The following SGMS1 variants were observed in gnomAD, a reference collection of about 807,000 sequenced individuals.
The protein encoded by SGMS1 is sphingomyelin synthase 1.
Under a neutral mutation model 46.2 loss-of-function variants are expected in SGMS1, and 13 were observed. That is an observed-to-expected ratio of 0.28 (90% CI 0.18 to 0.45). SGMS1 has a LOEUF of 0.45. Among genes scored for constraint, SGMS1 ranks in the 20% least tolerant of loss-of-function variants. The probability of loss-of-function intolerance (pLI) is 1.00; values close to 1 mark genes in which losing one functional copy is unlikely to be tolerated. For synonymous variants in SGMS1, 203 were observed against 187.8 expected, an observed-to-expected ratio of 1.08 and a Z score of -0.66; for missense variants, 324 against 519.9, an observed-to-expected ratio of 0.62 and a Z score of 3.66.
chr10:50,323,149 A>G lies in SGMS1; in HGVS notation c.741+4056T>C, dbSNP rs535682348. The stretch of plus-strand genomic sequence containing the variant: ...CATAGGATTATTATTTCTCTGAGCG[A>G]TTATATTTTGTGAAGAGTATACTGC... On this transcript the variant is annotated intron_variant, in intron 8 of 10. Coordinates refer to ENST00000361781, the MANE Select transcript of SGMS1 (RefSeq NM_147156.4). 4.6e-5 allele frequency among the ~76,000 whole-genome samples: 7 copies of G among 152,288 alleles called. No individual in the cohort carries two copies. The East Asian group carries it at 1.3e-3, about 29-fold the overall frequency.
intron 2 of SGMS1, among the ~76,000 whole-genome samples, chr10:50,542,797 T>G (rs1838066096): frequency 6.7e-6 from 1 of 148,800 alleles, no homozygotes; most frequent in Non-Finnish European, 1.5e-5. Flanking sequence ...ATTTTTTCAT[T>G]TGTTTTTCAG....
At position 50,306,615 on chromosome 10, in the gene SGMS1, C is replaced by T. The variant is rs1339962502; in HGVS notation, c.*527G>A. 1 of 152,726 alleles carries T rather than the reference C, an allele frequency of 6.5e-6. No homozygotes were observed. The highest frequency in any genetic ancestry group is 1.5e-5 in the Non-Finnish European group (1 of 68,042). The allele number at this position is 152,726 out of a possible 1,614,324, so 9.5% of individuals were successfully genotyped here. ...TTTACAAAACCCAAAGTTACCAAACCTTTCTGTGTCTATCATTTTTATTTG... is the reference window on the plus strand; with the variant it reads ...TTTACAAAACCCAAAGTTACCAAACTTTTCTGTGTCTATCATTTTTATTTG... On this transcript the variant is annotated 3_prime_UTR_variant, in exon 11 of 11. Coordinates refer to ENST00000361781, the MANE Select transcript of SGMS1 (RefSeq NM_147156.4).
chr10:50,597,934 C>T (rs949602348), intron 1 of SGMS1, among the ~76,000 whole-genome samples: 8 of 151,668 alleles, frequency 5.3e-5, no homozygotes, highest in African/African-American at 1.7e-4. Context: ...ATTGCTTGAA[C>T]CCAGGAAGCG....
At chr10:50,562,787 G>A (rs750997211) in intron 2 of SGMS1, among the ~76,000 whole-genome samples, 1 of 152,028 alleles carries the variant, frequency 6.6e-6, no homozygotes, top group Non-Finnish European at 1.5e-5. Flanking sequence ...CTCGTGATCC[G>A]CCCGCCTTGG....
chr10:50,499,391 A>T (rs544946766), intron 3 of SGMS1, among the ~76,000 whole-genome samples: 1 of 152,306 alleles, frequency 6.6e-6, no homozygotes, highest in African/African-American at 2.4e-5. Flanking sequence ...AAGACAGATG[A>T]TGATAAGGAG....
intron 7 of SGMS1, among the ~76,000 whole-genome samples, chr10:50,339,575 A>C (rs1235966867): frequency 6.6e-6 from 1 of 152,158 alleles, no homozygotes; most frequent in Non-Finnish European, 1.5e-5. Flanking sequence ...CCAGAATATA[A>C]GCTTCACGAA....
At chr10:50,498,162 C>A (rs966820361) in intron 3 of SGMS1, among the ~76,000 whole-genome samples, 1 of 152,114 alleles carries the variant, frequency 6.6e-6, no homozygotes, top group African/African-American at 2.4e-5. Context: ...ACCACCCCTG[C>A]TTTTTCAGCA....
At chr10:50,555,558 C>T (rs927769308) in intron 2 of SGMS1, among the ~76,000 whole-genome samples, 1 of 152,136 alleles carries the variant, frequency 6.6e-6, no homozygotes, top group South Asian at 2.1e-4. Flanking sequence ...CATTCTTATA[C>T]AAGGAAACAT....
intron 2 of SGMS1, among the ~76,000 whole-genome samples, chr10:50,588,084 C>T (rs555602352): frequency 5.9e-5 from 9 of 152,262 alleles, no homozygotes; most frequent in Admixed American, 3.9e-4. Context: ...TCCTCCTCAT[C>T]TTTTCAAAGC....
intron 1 of SGMS1, among the ~76,000 whole-genome samples, chr10:50,603,643 A>T (rs1421708083): frequency 6.6e-6 from 1 of 152,214 alleles, no homozygotes; most frequent in African/African-American, 2.4e-5. Context: ...TAAAAAACTA[A>T]ATTGCACAAC....
intron 7 of SGMS1, among the ~76,000 whole-genome samples, chr10:50,328,551 T>A (rs1259338240): frequency 6.6e-6 from 1 of 152,218 alleles, no homozygotes; most frequent in Non-Finnish European, 1.5e-5. Context: ...AAATTAATTT[T>A]AAAAAACCAT....
chr10:50,405,005 A>G (rs1848993707), intron 6 of SGMS1, among the ~76,000 whole-genome samples: 1 of 152,216 alleles, frequency 6.6e-6, no homozygotes, highest in South Asian at 2.1e-4. Context: ...GTAAAAAGCC[A>G]AAAGCAAGAT....
At chr10:50,423,528 T>C (rs1313786067) in intron 6 of SGMS1, among the ~76,000 whole-genome samples, 1 of 152,060 alleles carries the variant, frequency 6.6e-6, no homozygotes, top group East Asian at 1.9e-4. Context: ...AAACACATCA[T>C]CACCTATCAA....
chr10:50,581,722 A>T (rs1838436123), intron 2 of SGMS1, among the ~76,000 whole-genome samples: 2 of 152,252 alleles, frequency 1.3e-5, no homozygotes, highest in South Asian at 4.1e-4. Context: ...TTACTCTCTG[A>T]ATAGGTGTTG....
intron 6 of SGMS1, among the ~76,000 whole-genome samples, chr10:50,361,122 G>T (rs913121477): frequency 2.0e-4 from 31 of 152,282 alleles, no homozygotes; most frequent in African/African-American, 6.5e-4. Flanking sequence ...GGGCATAGCA[G>T]CAGGGGATTT....
chr10:50,574,959 TGG>T (rs2131864392), intron 2 of SGMS1, among the ~76,000 whole-genome samples: 4 of 26,866 alleles, frequency 1.5e-4, no homozygotes, highest in East Asian at 0.024. Context: ...AAGGAAAATG[TGG>T]TGTATATATA....
At chr10:50,364,240 A>C (rs1326569485) in intron 6 of SGMS1, among the ~76,000 whole-genome samples, 1 of 152,186 alleles carries the variant, frequency 6.6e-6, no homozygotes, top group Non-Finnish European at 1.5e-5. Flanking sequence ...AGATTTAGAA[A>C]TATTTTAAAT....
intron 6 of SGMS1, among the ~76,000 whole-genome samples, chr10:50,419,288 G>A (rs992143944): frequency 6.6e-6 from 1 of 152,124 alleles, no homozygotes; most frequent in Non-Finnish European, 1.5e-5. Flanking sequence ...TCCTGAATCC[G>A]AATCTCCAAA....
At chr10:50,580,958 G>A (rs1838427816) in intron 2 of SGMS1, among the ~76,000 whole-genome samples, 1 of 152,142 alleles carries the variant, frequency 6.6e-6, no homozygotes. Flanking sequence ...AGAATCACCT[G>A]GAAGACTTGT....
Sources: gnomAD v4.1 joint callset for allele counts (sites outside exome capture counted in the v4.1 genomes callset) on GRCh38, gnomAD v4.1.1 for gene constraint, MANE v1.5 for transcripts, NCBI Gene and HGNC (gene_info 2026-07-23, HGNC 2026-07-21) for gene names.